Variants in EXT1 observed in about 807,000 individuals in gnomAD.
The protein encoded by EXT1 is exostosin glycosyltransferase 1.
EXT1 carries 20 observed loss-of-function variants against 82.5 expected under a neutral mutation model. The ratio of observed to expected loss-of-function variants is 0.24; its 90% CI spans 0.17 to 0.35. The LOEUF (loss-of-function observed/expected upper bound fraction) is 0.35. EXT1 is among the 10% of genes least tolerant of loss of function. The pLI, the probability that EXT1 is intolerant of heterozygous loss-of-function variation, is 1.00. For synonymous variants in EXT1, 348 were observed against 350.8 expected, an observed-to-expected ratio of 0.99 and a Z score of 0.09; for missense variants, 757 against 936.5, an observed-to-expected ratio of 0.81 and a Z score of 2.50.
chr8:118,090,222 G>A (rs75692202), intron 1 of EXT1, among the ~76,000 whole-genome samples: 4,571 of 152,164 alleles, frequency 0.03, 97 homozygotes, highest in South Asian at 0.076. Context: ...AGGAGTTTGA[G>A]ACCAGCCCGG....
intron 1 of EXT1, among the ~76,000 whole-genome samples, chr8:117,898,117 C>G (rs1027020546): frequency 6.6e-6 from 1 of 152,192 alleles, no homozygotes; most frequent in African/African-American, 2.4e-5. Context: ...AAAGTGTATA[C>G]TCTTTCCATA....
chr8:117,909,659 T>C (rs1161285655), intron 1 of EXT1, among the ~76,000 whole-genome samples: 1 of 152,178 alleles, frequency 6.6e-6, no homozygotes, highest in Non-Finnish European at 1.5e-5. Context: ...AACAAAATCA[T>C]AGTTGGATGG....
intron 1 of EXT1, among the ~76,000 whole-genome samples, chr8:118,096,011 G>A (rs994782188): frequency 6.6e-6 from 1 of 152,194 alleles, no homozygotes; most frequent in African/African-American, 2.4e-5. Context: ...GAATTCATTA[G>A]CAGCCTGATA....
chr8:118,105,017 T>C (rs922197864), intron 1 of EXT1, among the ~76,000 whole-genome samples: 5 of 152,200 alleles, frequency 3.3e-5, no homozygotes, highest in Non-Finnish European at 1.5e-5. Flanking sequence ...TTAGCCTCAA[T>C]TCAGCCACTT....
At chr8:118,044,802 T>C (rs1177105107) in intron 1 of EXT1, among the ~76,000 whole-genome samples, 1 of 152,172 alleles carries the variant, frequency 6.6e-6, no homozygotes, top group East Asian at 1.9e-4. Context: ...GTCTCCCGAG[T>C]AGCTGGGACT....
chr8:117,917,096 A>G (rs1813766962), intron 1 of EXT1, among the ~76,000 whole-genome samples: 1 of 152,162 alleles, frequency 6.6e-6, no homozygotes, highest in Non-Finnish European at 1.5e-5. Flanking sequence ...AAATTAAAGG[A>G]GATGAGAAAA....
intron 8 of EXT1, among the ~76,000 whole-genome samples, chr8:117,812,320 A>T (rs1203332124): frequency 1.3e-5 from 2 of 152,140 alleles, no homozygotes; most frequent in Non-Finnish European, 2.9e-5. Flanking sequence ...TATTTTTGGC[A>T]CAACTACCTG....
chr8:117,799,620 TG>T lies in EXT1; in HGVS notation c.*91del. 1 of 1,454,000 alleles carries T rather than the reference TG, an allele frequency of 6.9e-7. No homozygotes were observed. Among genetic ancestry groups the T allele is most frequent in the Non-Finnish European group, 9.6e-7 (1 of 1,036,484 alleles). The allele number at this position is 1,454,000 out of a possible 1,614,324, so 90.1% of individuals were successfully genotyped here. On this transcript the variant is annotated 3_prime_UTR_variant, in exon 11 of 11. Coordinates refer to ENST00000378204, the MANE Select transcript of EXT1 (RefSeq NM_000127.3). Reference sequence around the variant, plus strand: ...AAGTTTTTGGATAGTTGGCACAATCTGGCTCTGCTGATGAGTGGATCTGCAC... The same window carrying T: ...AAGTTTTTGGATAGTTGGCACAATCTGCTCTGCTGATGAGTGGATCTGCAC...
At chr8:117,986,143 C>CGGAA (rs1173491366) in intron 1 of EXT1, among the ~76,000 whole-genome samples, 2 of 151,384 alleles carry the variant, frequency 1.3e-5, no homozygotes, top group Non-Finnish European at 2.9e-5. Context: ...TATAAAGAAA[C>CGGAA]TTTCCAAGTG....
chr8:118,038,915 C>T (rs1816474940), intron 1 of EXT1, among the ~76,000 whole-genome samples: 1 of 152,180 alleles, frequency 6.6e-6, no homozygotes, highest in Admixed American at 6.5e-5. Context: ...ATGTCTGTTC[C>T]TCTTATCATA....
At chr8:117,805,013 A>G in intron 9 of EXT1, 120 bp from the exon 10 acceptor site, 1 of 856,584 alleles carries the variant, frequency 1.2e-6, no homozygotes, top group South Asian at 1.6e-5. Flanking sequence ...AATGGTAATG[A>G]TAATGATGAT....
At chr8:117,810,298 T>C (rs1367485071) in intron 8 of EXT1, among the ~76,000 whole-genome samples, 1 of 152,258 alleles carries the variant, frequency 6.6e-6, no homozygotes, top group Non-Finnish European at 1.5e-5. Flanking sequence ...TGAACCAACA[T>C]CTATTCACCT....
chr8:118,021,233 GCAGA>G (rs1434245607), intron 1 of EXT1, among the ~76,000 whole-genome samples: 1 of 152,148 alleles, frequency 6.6e-6, no homozygotes, highest in African/African-American at 2.4e-5. Flanking sequence ...TTTTCATATG[GCAGA>G]CAGTTGATCA....
At chr8:117,812,236 T>C (rs1222981339) in intron 8 of EXT1, among the ~76,000 whole-genome samples, 1 of 152,180 alleles carries the variant, frequency 6.6e-6, no homozygotes, top group Admixed American at 6.5e-5. Context: ...TCATTCGAGT[T>C]GTAAAAATTG....
chr8:117,800,986 T>C (rs747086112), intron 10 of EXT1, among the ~76,000 whole-genome samples: 1 of 152,236 alleles, frequency 6.6e-6, no homozygotes, highest in Non-Finnish European at 1.5e-5. Context: ...TTTATGTCAA[T>C]AGGCAAGTCT....
At chr8:117,912,252 CAG>C (rs1813662531) in intron 1 of EXT1, among the ~76,000 whole-genome samples, 1 of 152,176 alleles carries the variant, frequency 6.6e-6, no homozygotes, top group Non-Finnish European at 1.5e-5. Flanking sequence ...GAAGTCCTAA[CAG>C]AGCTAGATCT....
intron 1 of EXT1, among the ~76,000 whole-genome samples, chr8:118,018,669 T>C (rs773007305): frequency 1.3e-5 from 2 of 152,224 alleles, no homozygotes; most frequent in Non-Finnish European, 2.9e-5. Context: ...TTGAGAGTTA[T>C]CTTCCAGGAA....
intron 1 of EXT1, among the ~76,000 whole-genome samples, chr8:117,953,364 C>T (rs987022816): frequency 2.0e-5 from 3 of 152,038 alleles, no homozygotes; most frequent in African/African-American, 7.3e-5. Flanking sequence ...GCTGGGACCC[C>T]AGATTATAGG....
intron 1 of EXT1, among the ~76,000 whole-genome samples, chr8:117,892,249 T>G (rs1054019596): frequency 3.3e-5 from 5 of 152,220 alleles, no homozygotes; most frequent in African/African-American, 1.2e-4. Context: ...CACAGGCCAC[T>G]GCTAAGTGAT....
Sources: allele counts gnomAD v4.1 joint callset (sites outside exome capture counted in the v4.1 genomes callset), GRCh38; gene constraint gnomAD v4.1.1; transcripts MANE v1.5; gene names NCBI Gene and HGNC (gene_info 2026-07-23, HGNC 2026-07-21).